Variants in GET4 observed in about 807,000 individuals in gnomAD.
GET4 encodes guided entry of tail-anchored proteins factor 4.
A neutral mutation model predicts 40.0 loss-of-function variants in GET4; 20 were observed. The observed-to-expected ratio is 0.50, with a 90% confidence interval of 0.35 to 0.73. The LOEUF is 0.73. Among genes scored for constraint, GET4 ranks in the 30% least tolerant of loss-of-function variants. The pLI, the probability that GET4 is intolerant of heterozygous loss-of-function variation, is 0.01. For synonymous variants in GET4, 280 were observed against 194.6 expected (o/e 1.44, Z -3.65); for missense variants, 557 against 454.0 (o/e 1.23, Z -2.06).
chr7:881,798 A>G (rs539910849), intron 1 of GET4: 1 of 152,296 alleles, frequency 6.6e-6, no homozygotes, highest in East Asian at 1.9e-4. Context: ...GGTACCTGAC[A>G]GTTTTGTTAA....
At chr7:891,634 C>G (rs1417209382) in intron 5 of GET4, among the ~76,000 whole-genome samples, 1 of 152,210 alleles carries the variant, frequency 6.6e-6, no homozygotes, top group Non-Finnish European at 1.5e-5. Context: ...CTTACTTGTG[C>G]CCGTCAGTTT....
At chr7:884,305 T>C (rs1844144470) in intron 1 of GET4, 1 of 1,303,992 alleles carries the variant, frequency 7.7e-7, no homozygotes, top group South Asian at 1.2e-5. Context: ...CCCGGCCTCC[T>C]CTGAGTCAGT....
At chr7:891,363 C>G (rs1372737421) in intron 5 of GET4, among the ~76,000 whole-genome samples, 1 of 152,276 alleles carries the variant, frequency 6.6e-6, no homozygotes, top group East Asian at 1.9e-4. Context: ...CTCAGGCCTG[C>G]CTCGGCCAGT....
At chr7:894,871 G>C (rs1042778523) in intron 8 of GET4, among the ~76,000 whole-genome samples, 2 of 152,250 alleles carry the variant, frequency 1.3e-5, no homozygotes, top group Non-Finnish European at 2.9e-5. Flanking sequence ...AGTGACCGCA[G>C]TTGGCCCCTG....
chr7:890,897 G>A (rs374782646), intron 4 of GET4, 31 bp from the exon 5 acceptor site: 5 of 1,532,044 alleles, frequency 3.3e-6, no homozygotes. Context: ...TTCGTGAAAT[G>A]TATTTACATT....
In GET4 at chr7:896,388, G is replaced by A. The variant is rs1176958884; in HGVS notation, c.*966G>A. 6.6e-6 allele frequency: 1 copy of A among 152,208 alleles called. No homozygotes were observed. Among genetic ancestry groups the A allele is most frequent in the Non-Finnish European group, 1.5e-5 (1 of 68,050 alleles). 9.4% of individuals were successfully genotyped at this position (152,208 alleles called of 1,614,324 possible). On this transcript the variant is annotated 3_prime_UTR_variant, in exon 9 of 9. Transcript: ENST00000265857. Reference sequence around the variant, plus strand: ...TTATTTACTGTAAAGTGGAATTTCAGGAAGGCTTGTGTGAACCGTTGCGCA... The same window carrying A: ...TTATTTACTGTAAAGTGGAATTTCAAGAAGGCTTGTGTGAACCGTTGCGCA...
At chr7:892,039 C>G (rs539937724) in intron 5 of GET4, among the ~76,000 whole-genome samples, 1 of 152,244 alleles carries the variant, frequency 6.6e-6, no homozygotes, top group Non-Finnish European at 1.5e-5. Context: ...GGCTGGGGCC[C>G]GGCTCCAGAG....
At chr7:891,909 G>T (rs933275676) in intron 5 of GET4, among the ~76,000 whole-genome samples, 4 of 152,278 alleles carry the variant, frequency 2.6e-5, no homozygotes, top group African/African-American at 7.2e-5. Context: ...GCCAGGGTCT[G>T]TGCGGCACCC....
chr7:893,781 A>G lies in GET4; in HGVS notation c.788A>G (p.Gln263Arg). 1.2e-6 allele frequency: 2 copies of G among 1,611,522 alleles called. No individual in the cohort carries two copies. Among genetic ancestry groups the G allele is most frequent in the African/African-American group, 1.3e-5 (1 of 74,958 alleles). ...TTCACTGTGCTGTGTGAGCAGTACCAGCCATCCCTCCGGCGGGACCCCATG... is the reference window on the plus strand; with the variant it reads ...TTCACTGTGCTGTGTGAGCAGTACCGGCCATCCCTCCGGCGGGACCCCATG... The part of the protein sequence containing the change: ...TVFTVLCEQY[Q>R]PSLRRDPMYN... The change falls in exon 7 of 9, where the codon CAG becomes CGG. Residue 263 changes from glutamine (Q) to arginine (R), a missense_variant. By Grantham distance (43) the Gln-to-Arg change is conservative. Transcript: ENST00000265857.
intron 6 of GET4, among the ~76,000 whole-genome samples, chr7:892,983 A>AGGGGTGT (rs1562897949): frequency 3.5e-5 from 5 of 143,880 alleles, no homozygotes; most frequent in Non-Finnish European, 6.1e-5. Context: ...GTTTGCAGGT[A>AGGGGTGT]AGTGTTGGGG....
At chr7:891,095 G>A (rs762246645) in intron 5 of GET4, 29 bp downstream of exon 5, 1 of 1,549,790 alleles carries the variant, frequency 6.5e-7, no homozygotes, top group South Asian at 1.2e-5. Flanking sequence ...TCGGGTCTCG[G>A]CTTCCATTGC....
chr7:892,521 GT>G, intron 6 of GET4, 103 bp downstream of exon 6: 1 of 1,304,530 alleles, frequency 7.7e-7, no homozygotes, highest in Non-Finnish European at 1.1e-6. Flanking sequence ...TGTAGCCATG[GT>G]GTGGGTAGCC....
At chr7:893,125 T>G in intron 6 of GET4, among the ~76,000 whole-genome samples, 1 of 102,286 alleles carries the variant, frequency 9.8e-6, no homozygotes, top group East Asian at 3.3e-4. Flanking sequence ...GTGTTGGGTG[T>G]AGGCGTGGTG....
At chr7:894,735 C>T (rs1211980354) in intron 8 of GET4, among the ~76,000 whole-genome samples, 2 of 152,244 alleles carry the variant, frequency 1.3e-5, no homozygotes, top group Non-Finnish European at 2.9e-5. Flanking sequence ...GAGAGGGTGA[C>T]ACTGCCACGG....
At position 895,410 on chromosome 7, in the gene GET4, C is replaced by A; in HGVS notation, c.972C>A (p.Ile324=). ...AGAGCCCCAGCGACGGCAGCCCCATCGAGCTGGACTGAACTGGCCAGGCCA... is the reference window on the plus strand; with the variant it reads ...AGAGCCCCAGCGACGGCAGCCCCATAGAGCTGGACTGAACTGGCCAGGCCA... The part of the protein sequence containing the change: ...GEESPSDGSP[I]ELD Residue 324 remains isoleucine, a synonymous_variant, in exon 9 of 9, where the codon ATC becomes ATA. Transcript: ENST00000265857. The A allele has an allele frequency of 1.3e-6, 2 of 1,573,040 alleles. No homozygotes were observed. Among genetic ancestry groups the A allele is most frequent in the Non-Finnish European group, 1.7e-6 (2 of 1,144,676 alleles).
intron 4 of GET4, among the ~76,000 whole-genome samples, chr7:888,737 C>T (rs1338325270): frequency 6.6e-6 from 1 of 152,246 alleles, no homozygotes; most frequent in Non-Finnish European, 1.5e-5. Flanking sequence ...CGACAGCAGG[C>T]CTTCCGTACT....
chr7:886,779 G>A, intron 3 of GET4, 129 bp downstream of exon 3: 1 of 684,588 alleles, frequency 1.5e-6, no homozygotes, highest in Non-Finnish European at 2.6e-6. Flanking sequence ...CTCTGCTGCA[G>A]AGGCAGTTCC....
At chr7:890,676 G>A (rs1263263102) in intron 4 of GET4, among the ~76,000 whole-genome samples, 1 of 152,132 alleles carries the variant, frequency 6.6e-6, no homozygotes, top group Non-Finnish European at 1.5e-5. Context: ...GGATTAAGCA[G>A]CTCCAAGAGC....
At chr7:884,070 C>T (rs1277486296) in intron 1 of GET4, 1 of 1,185,276 alleles carries the variant, frequency 8.4e-7, no homozygotes, top group Non-Finnish European at 1.1e-6. Flanking sequence ...ATATGGGTCA[C>T]TGCCTTCCAG....
Sources: gnomAD v4.1 joint callset for allele counts (sites outside exome capture counted in the v4.1 genomes callset) on GRCh38, gnomAD v4.1.1 for gene constraint, MANE v1.5 for transcripts, NCBI Gene and HGNC (gene_info 2026-07-23, HGNC 2026-07-21) for gene names.